ALS2CL: variants seen among roughly 807,000 people sequenced by gnomAD.
ALS2CL encodes ALS2 C-terminal-like protein.
Under a neutral mutation model 127.9 loss-of-function variants are expected in ALS2CL, and 112 were observed. That is an observed-to-expected ratio of 0.88 (90% CI 0.75 to 1.02). ALS2CL has a LOEUF of 1.02. Ranked by LOEUF, ALS2CL falls within the 50% of genes least tolerant of loss-of-function variation. The pLI is 0.00. For missense variants in ALS2CL, 1,174 were observed against 1,236.7 expected (o/e 0.95, Z 0.76); for synonymous variants, 519 against 527.6 (o/e 0.98, Z 0.22).
Position 46,686,226 on chromosome 3 carries a change from C to G in ALS2CL, c.666+82G>C. On this transcript the variant is annotated intron_variant, in intron 6 of 25. Transcript: ENST00000318962. The surrounding 1 kb of genome is among the most constrained non-coding windows in gnomAD (Gnocchi z 4.3). Reference sequence around the variant, plus strand: ...TAGGGAAACTGAGGCCCAGAGAATACAGCAAGCAGCTCAAGCCCCCCAACA... The same window carrying G: ...TAGGGAAACTGAGGCCCAGAGAATAGAGCAAGCAGCTCAAGCCCCCCAACA... 2.0e-6 allele frequency: 3 copies of G among 1,477,430 alleles called. No individual in the cohort carries two copies. Among genetic ancestry groups the G allele is most frequent in the Non-Finnish European group, 1.8e-6 (2 of 1,111,998 alleles). The allele number at this position is 1,477,430 out of a possible 1,614,324, so 91.5% of individuals were successfully genotyped here. A position where few individuals can be genotyped will look rare whatever the true frequency, so the allele number is the denominator to read the frequency against.
chr3:46,686,631 G>C lies in ALS2CL; in HGVS notation c.535-192C>G, dbSNP rs144461151. On this transcript the variant is annotated intron_variant, in intron 5 of 25. Coordinates refer to ENST00000318962, the MANE Select transcript of ALS2CL (RefSeq NM_147129.5). This position sits in a 1 kb window ranked among gnomAD's most constrained non-coding sequence, Gnocchi z 4.3. ...TTCCCCAGCTTGGCCCTGGGCCCAC[G>C]TGTCCTCATTCCCAGGACGTGATTC... Among the ~76,000 whole-genome samples, 2 of 152,162 alleles carry C rather than the reference G, an allele frequency of 1.3e-5. No individual in the cohort carries two copies. Among genetic ancestry groups the C allele is most frequent in the South Asian group, 4.2e-4 (2 of 4,812 alleles).
At chr3:46,689,090 G>T (rs6776464) in intron 2 of ALS2CL, among the ~76,000 whole-genome samples, 61,167 of 152,112 alleles carry the variant, frequency 0.4, 13,571 homozygotes, top group African/African-American at 0.6. Flanking sequence ...TTAGCCAGGC[G>T]TGGTGGCAGG....
At chr3:46,675,923 T>C in intron 19 of ALS2CL, 1 of 1,428,334 alleles carries the variant, frequency 7.0e-7, no homozygotes, top group Non-Finnish European at 9.1e-7. Context: ...TTTCATGGGG[T>C]CACAGCCCAG....
At position 46,686,930 on chromosome 3, in the gene ALS2CL, C is replaced by A. The variant is rs1699832978; in HGVS notation, c.534+53G>T. The A allele has an allele frequency of 6.6e-7, 1 of 1,507,566 alleles. No homozygotes were observed. The highest frequency in any genetic ancestry group is 1.3e-5 in the South Asian group (1 of 76,734). The allele number at this position is 1,507,566 out of a possible 1,614,324, so 93.4% of individuals were successfully genotyped here. The stretch of plus-strand genomic sequence containing the variant: ...TAGGCTGAGCCCCCTGAGTCTGGGC[C>A]CTATCCCTCCCTTCCCTCGGCTTCC... On this transcript the variant is annotated intron_variant, in intron 5 of 25. Coordinates refer to ENST00000318962, the MANE Select transcript of ALS2CL (RefSeq NM_147129.5). This position sits in a 1 kb window ranked among gnomAD's most constrained non-coding sequence, Gnocchi z 4.3.
intron 13 of ALS2CL, chr3:46,680,988 A>C: frequency 5.0e-6 from 3 of 602,904 alleles, no homozygotes; most frequent in South Asian, 3.9e-5. Context: ...TGCAGTTTTT[A>C]GACGTGACAG....
At chr3:46,673,226 G>C in intron 22 of ALS2CL, 113 bp downstream of exon 22, 9 of 654,398 alleles carry the variant, frequency 1.4e-5, no homozygotes, top group Middle Eastern at 5.5e-4. Context: ...AACCCACCCT[G>C]CCCCTCCCCA....
intron 9 of ALS2CL, 26 bp downstream of exon 9, chr3:46,683,756 G>A (rs367594897): frequency 1.7e-4 from 269 of 1,612,604 alleles, no homozygotes; most frequent in Non-Finnish European, 2.0e-4. Flanking sequence ...CCCCGCTCCC[G>A]CAGTTCACAG....
Position 46,675,606 on chromosome 3 carries a change from T to C in ALS2CL, c.2255+12A>G. 6.2e-7 allele frequency: 1 copy of C among 1,612,786 alleles called. No individual in the cohort carries two copies. The highest frequency in any genetic ancestry group is 8.5e-7 in the Non-Finnish European group (1 of 1,179,274). The stretch of plus-strand genomic sequence containing the variant: ...GGACACGGCAGGCCCCAAGGAGACC[T>C]GCGCCAGTCACCTTGTCTCTGTGTC... On this transcript the variant is annotated intron_variant, in intron 20 of 25. Coordinates refer to ENST00000318962, the MANE Select transcript of ALS2CL (RefSeq NM_147129.5).
At position 46,672,143 on chromosome 3, in the gene ALS2CL, A is replaced by T. The variant is rs548058222; in HGVS notation, c.2531T>A (p.Ile844Asn). 173 of 1,613,854 alleles carry T rather than the reference A, an allele frequency of 1.1e-4. No homozygotes were observed. Among genetic ancestry groups the T allele is most frequent in the Middle Eastern group, 9.9e-4 (6 of 6,062 alleles). Residue 844 changes from isoleucine (I) to asparagine (N), a missense_variant, in exon 23 of 26, where the codon ATC (isoleucine) becomes AAC (asparagine). Coordinates refer to ENST00000318962, the MANE Select transcript of ALS2CL (RefSeq NM_147129.5). The stretch of plus-strand genomic sequence containing the variant: ...ACCCACTACGGCTCACACTCACATG[A>T]TCTTCTGCAGGCACTCGGTGGCTGA... ...FLSATECLQKIMTTVDPREKL... is the reference protein window; with the variant it reads ...FLSATECLQKNMTTVDPREKL...
intron 7 of ALS2CL, among the ~76,000 whole-genome samples, chr3:46,684,817 AT>A (rs979559672): frequency 6.6e-6 from 1 of 152,158 alleles, no homozygotes; most frequent in African/African-American, 2.4e-5. Flanking sequence ...TTCAAACTAA[AT>A]CAGAACCAAT....
chr3:46,679,170 G>A, intron 15 of ALS2CL, 40 bp downstream of exon 15: 1 of 1,530,168 alleles, frequency 6.5e-7, no homozygotes, highest in African/African-American at 1.4e-5. Context: ...ACCAACCAAG[G>A]CCTTGGCAGG....
chr3:46,688,389 A>G, intron 2 of ALS2CL, 93 bp from the exon 3 acceptor site: 2 of 1,250,552 alleles, frequency 1.6e-6, no homozygotes, highest in Admixed American at 4.1e-5. Context: ...CATGAGAGCC[A>G]CCAGCACCGG....
In ALS2CL at chr3:46,670,861, A is replaced by G; in HGVS notation, c.*123T>C. The stretch of plus-strand genomic sequence containing the variant: ...GCAGCAGCAGCATCTTCCTGTGCAA[A>G]ACAAAATGCTCATCTCCTCCAAGAG... On this transcript the variant is annotated 3_prime_UTR_variant, in exon 26 of 26. Transcript: ENST00000318962. The surrounding 1 kb of genome is among the most constrained non-coding windows in gnomAD (Gnocchi z 5.5). 9.7e-7 allele frequency: 1 copy of G among 1,033,384 alleles called. No homozygotes were observed. The highest frequency in any genetic ancestry group is 1.5e-6 in the Non-Finnish European group (1 of 679,778). The allele number at this position is 1,033,384 out of a possible 1,614,324, so 64.0% of individuals were successfully genotyped here.
In ALS2CL at chr3:46,675,180, A is replaced by G. The variant is rs369797283; in HGVS notation, c.2255+438T>C. The stretch of plus-strand genomic sequence containing the variant: ...GACAGGAAGGCCTCTCTGATCAGGA[A>G]CACTTTCAGGTCTAGAATCTAAAGG... On this transcript the variant is annotated intron_variant, in intron 20 of 25. Transcript: ENST00000318962. 3.8e-4 allele frequency: 79 copies of G among 208,214 alleles called. No homozygotes were observed. In the South Asian group the frequency reaches 8.0e-3, roughly 21 times the overall value. 12.9% of individuals were successfully genotyped at this position (208,214 alleles called of 1,614,324 possible).
Position 46,693,630 on chromosome 3 carries a change from G to C in ALS2CL, c.-26+13C>G, listed in dbSNP as rs1259367197. The stretch of plus-strand genomic sequence containing the variant: ...ACCCGTCCGCAGACGCGCGCCCTTC[G>C]TCGCGCCCTTACCTGAGCGCTGTGG... On this transcript the variant is annotated intron_variant, in intron 1 of 25. Coordinates refer to ENST00000318962, the MANE Select transcript of ALS2CL (RefSeq NM_147129.5). 1 of 152,312 alleles carries C rather than the reference G, an allele frequency of 6.6e-6. No homozygotes were observed. Among genetic ancestry groups the C allele is most frequent in the African/African-American group, 2.4e-5 (1 of 41,464 alleles). 9.4% of individuals were successfully genotyped at this position (152,312 alleles called of 1,614,324 possible).
Position 46,683,796 on chromosome 3 carries a change from C to T in ALS2CL, c.898G>A (p.Asp300Asn), listed in dbSNP as rs779791737. The change falls in exon 9 of 26, where the codon GAC becomes AAC. Residue 300 changes from aspartate (D) to asparagine (N), a missense_variant. Coordinates refer to ENST00000318962, the MANE Select transcript of ALS2CL (RefSeq NM_147129.5). ...PEEEFSFCAK[D>N]SQGQAVWQWK... ...CCCACACTCACCTGGCCCTGGGAGT[C>T]CTTGGCACAAAAGGAGAACTCTTCT... 2.0e-5 allele frequency: 32 copies of T among 1,613,982 alleles called. No individual in the cohort carries two copies. The South Asian group carries it at 2.7e-4, about 14-fold the overall frequency.
intron 21 of ALS2CL, 53 bp downstream of exon 21, chr3:46,674,513 C>A: frequency 6.4e-7 from 1 of 1,573,912 alleles, no homozygotes; most frequent in South Asian, 1.2e-5. Context: ...TGAAGACAGT[C>A]TGAGTCGAGT....
intron 7 of ALS2CL, 96 bp downstream of exon 7, chr3:46,685,429 C>T (rs1268855404): frequency 3.2e-6 from 5 of 1,545,392 alleles, no homozygotes; most frequent in Admixed American, 1.7e-5. Context: ...AGCCCACTTT[C>T]TCAGTCCCAG....
In ALS2CL at chr3:46,678,405, A is replaced by T; in HGVS notation, c.1627-16T>A. ...TGACCTTGCCCTGGGAGCCAGGAGA[A>T]GGAGCAGGGATGTCTGTCTGCCCAG... is the stretch of plus-strand genomic sequence containing the variant. On this transcript the variant is annotated splice_polypyrimidine_tract_variant and intron_variant, in intron 15 of 25. Coordinates refer to ENST00000318962, the MANE Select transcript of ALS2CL (RefSeq NM_147129.5). The T allele has an allele frequency of 6.2e-7, 1 of 1,608,226 alleles. No homozygotes were observed.
Sources: allele counts gnomAD v4.1 joint callset (sites outside exome capture counted in the v4.1 genomes callset), GRCh38; gene constraint gnomAD v4.1.1; non-coding constraint Gnocchi (gnomAD v3.1); transcripts MANE v1.5; gene names NCBI Gene and HGNC (gene_info 2026-07-23, HGNC 2026-07-21).